The following TUSC3 variants were observed in gnomAD, a reference collection of about 807,000 sequenced individuals.
TUSC3 encodes tumor suppressor candidate 3.
Under a neutral mutation model 44.8 loss-of-function variants are expected in TUSC3, and 45 were observed. That is an observed-to-expected ratio of 1.00 (90% CI 0.79 to 1.29). The LOEUF is 1.29. TUSC3 is among the 50% of genes most tolerant of loss of function. The pLI is 0.00. For missense variants in TUSC3, 519 were observed against 437.9 expected, an observed-to-expected ratio of 1.19 and a Z score of -1.65; for synonymous variants, 212 against 152.9, an observed-to-expected ratio of 1.39 and a Z score of -2.85.
rs190494161 is a variant in TUSC3, at chr8:15,761,305, C to T, written c.*47-2898C>T. 2.1e-3 allele frequency among the ~76,000 whole-genome samples: 320 copies of T among 152,190 alleles called. 3 individuals carry two copies. The highest frequency in any genetic ancestry group is 1.5e-3 in the Non-Finnish European group (103 of 67,994). ...AGAGAGCCAGCCTTAAGGAGAGAAACGGTTTGAAGTTTCTTCTTTGTGTAA... is the reference window on the plus strand; with the variant it reads ...AGAGAGCCAGCCTTAAGGAGAGAAATGGTTTGAAGTTTCTTCTTTGTGTAA... On this transcript the variant is annotated intron_variant, in intron 10 of 10. Transcript: ENST00000503731.
At chr8:15,659,759 T>C in intron 4 of TUSC3, 112 bp downstream of exon 4, 1 of 1,415,526 alleles carries the variant, frequency 7.1e-7, no homozygotes, top group South Asian at 1.2e-5. Context: ...TGTTTCTCCT[T>C]GCATAGAGAA....
At chr8:15,571,388 C>T (rs1486526100) in intron 1 of TUSC3, among the ~76,000 whole-genome samples, 1 of 152,092 alleles carries the variant, frequency 6.6e-6, no homozygotes, top group Admixed American at 6.5e-5. Flanking sequence ...TTTTTGGTTT[C>T]TCAGTGCATT....
At chr8:15,641,361 CAAAAAAAA>C (rs34446791) in intron 2 of TUSC3, among the ~76,000 whole-genome samples, 2 of 99,482 alleles carry the variant, frequency 2.0e-5, no homozygotes, top group East Asian at 2.9e-4. Context: ...GACTCCGTCT[CAAAAAAAA>C]AAAAAAAAAA....
chr8:15,816,741 C>T, the TUSC3 span, among the ~76,000 whole-genome samples: 1 of 152,116 alleles, frequency 6.6e-6, no homozygotes, highest in African/African-American at 2.4e-5. Flanking sequence ...AACCAAACAG[C>T]CCTCACAGAG....
intron 1 of TUSC3, among the ~76,000 whole-genome samples, chr8:15,547,313 A>C (rs943633362): frequency 6.6e-6 from 1 of 151,652 alleles, no homozygotes; most frequent in Admixed American, 6.6e-5. Flanking sequence ...ATTTGACTCA[A>C]CTTTTGGAAA....
intron 6 of TUSC3, among the ~76,000 whole-genome samples, chr8:15,685,127 G>A (rs951983158): frequency 1.3e-5 from 2 of 152,194 alleles, no homozygotes; most frequent in African/African-American, 4.8e-5. Flanking sequence ...ATTTGGGGGT[G>A]CATGCAAGTT....
intron 1 of TUSC3, among the ~76,000 whole-genome samples, chr8:15,590,369 A>G (rs1033548768): frequency 6.6e-6 from 1 of 152,130 alleles, no homozygotes; most frequent in Admixed American, 6.6e-5. Flanking sequence ...TACAAAACCC[A>G]AGCTTTAGGC....
the TUSC3 span, among the ~76,000 whole-genome samples, chr8:15,803,803 G>C: frequency 3.9e-4 from 60 of 152,184 alleles, 1 homozygote; most frequent in Admixed American, 3.8e-3. Context: ...TGGGGTGTTT[G>C]GTTTTCTGTC....
At chr8:15,764,170 G>C (rs1563212885) in intron 10 of TUSC3, 33 bp from the exon 11 acceptor site, 2 of 1,571,944 alleles carry the variant, frequency 1.3e-6, no homozygotes, top group South Asian at 1.1e-5. Context: ...TATGTTCTAT[G>C]TTCAGCACAT....
intron 6 of TUSC3, among the ~76,000 whole-genome samples, chr8:15,676,864 A>C (rs1036152561): frequency 2.0e-5 from 3 of 152,096 alleles, no homozygotes; most frequent in African/African-American, 7.2e-5. Flanking sequence ...TATAACCCCA[A>C]AGAAGGATTT....
chr8:15,731,385 C>T (rs769515831), intron 7 of TUSC3, among the ~76,000 whole-genome samples: 7 of 152,110 alleles, frequency 4.6e-5, no homozygotes, highest in Admixed American at 2.0e-4. Flanking sequence ...GAGAATGTAA[C>T]GTGTGCCTCT....
chr8:15,469,942 A>G (rs973195719), intron 1 of TUSC3, among the ~76,000 whole-genome samples: 5 of 152,172 alleles, frequency 3.3e-5, no homozygotes, highest in Admixed American at 2.0e-4. Flanking sequence ...TAGAAAAGGA[A>G]AAATTATGAA....
At chr8:15,511,590 C>G (rs551937149) in intron 2 of TUSC3, among the ~76,000 whole-genome samples, 3 of 152,242 alleles carry the variant, frequency 2.0e-5, no homozygotes, top group Admixed American at 6.5e-5. Context: ...TAAGAAAGGA[C>G]TGGGTGCAGT....
the TUSC3 span, among the ~76,000 whole-genome samples, chr8:15,788,438 T>G: frequency 6.6e-6 from 1 of 151,420 alleles, no homozygotes; most frequent in East Asian, 2.0e-4. Flanking sequence ...TCGCAGCTAC[T>G]TGGGAGGCTG....
chr8:15,530,648 C>T (rs1181375208), intron 2 of TUSC3, among the ~76,000 whole-genome samples: 1 of 152,048 alleles, frequency 6.6e-6, no homozygotes, highest in African/African-American at 2.4e-5. Context: ...ATCATAGTTC[C>T]TCTATTCAAA....
At position 15,486,964 on chromosome 8, in the gene TUSC3, C is replaced by A. The variant is rs371660504; in HGVS notation, n.189+3481C>A. 9.9e-5 allele frequency among the ~76,000 whole-genome samples: 15 copies of A among 152,240 alleles called. No individual in the cohort carries two copies. In the East Asian group the frequency reaches 2.7e-3, roughly 27 times the overall value. On this transcript the variant is annotated intron_variant and non_coding_transcript_variant, in intron 2 of 5. Coordinates refer to the TUSC3 transcript ENST00000503191. ...TTTTTAATATAACCGTTAGTTGATT[C>A]AGCCAGTCATCTAACACACTATCTT...
At chr8:15,777,764 A>G in the TUSC3 span, among the ~76,000 whole-genome samples, 2 of 152,210 alleles carry the variant, frequency 1.3e-5, no homozygotes, top group Non-Finnish European at 2.9e-5. Context: ...AACTTCCTGA[A>G]TTATCTCCTT....
intron 1 of TUSC3, among the ~76,000 whole-genome samples, chr8:15,456,803 C>G (rs1384200971): frequency 6.6e-6 from 1 of 151,986 alleles, no homozygotes; most frequent in African/African-American, 2.4e-5. Context: ...GAAAAAAACT[C>G]AACGACAACT....
chr8:15,661,021 T>C (rs1807399703), intron 4 of TUSC3, among the ~76,000 whole-genome samples: 1 of 151,892 alleles, frequency 6.6e-6, no homozygotes, highest in African/African-American at 2.4e-5. Context: ...TCACCTATTG[T>C]TAACATTTTA....
Sources: gnomAD v4.1 joint callset for allele counts (sites outside exome capture counted in the v4.1 genomes callset) on GRCh38, gnomAD v4.1.1 for gene constraint, MANE v1.5 for transcripts, NCBI Gene and HGNC (gene_info 2026-07-23, HGNC 2026-07-21) for gene names.